LRBA: variants seen among roughly 807,000 people sequenced by gnomAD.
The protein encoded by LRBA is LPS responsive beige-like anchor protein, also known as lipopolysaccharide-responsive and beige-like anchor protein.
LRBA carries 176 observed loss-of-function variants against 330.0 expected under a neutral mutation model. The observed-to-expected ratio is 0.53, with a 90% CI of 0.47 to 0.60. The LOEUF (loss-of-function observed/expected upper bound fraction) is 0.60. Among genes scored for constraint, LRBA ranks in the 20% least tolerant of loss-of-function variants. LRBA has a pLI of 0.00. For synonymous variants in LRBA, 1,230 were observed against 1,193.0 expected, an observed-to-expected ratio of 1.03 and a Z score of -0.64; for missense variants, 3,259 against 3,444.8, an observed-to-expected ratio of 0.95 and a Z score of 1.35.
chr4:150,844,228 A>T (rs761655455), intron 27 of LRBA, 21 bp from the exon 28 acceptor site: 1 of 1,165,776 alleles, frequency 8.6e-7, no homozygotes, highest in Non-Finnish European at 1.3e-6. Flanking sequence ...TTAAAAAAAA[A>T]TTGTATATAT....
At chr4:150,840,951 A>G in intron 28 of LRBA, 2 of 1,175,300 alleles carry the variant, frequency 1.7e-6, no homozygotes, top group South Asian at 1.5e-5. Context: ...AGATAGGCTC[A>G]ATTTGAACAT....
chr4:150,721,585 A>T (rs1161809265), intron 36 of LRBA: 1 of 173,296 alleles, frequency 5.8e-6, no homozygotes, highest in Non-Finnish European at 1.2e-5. Flanking sequence ...GAAATACAGA[A>T]ATTGTAGAAC....
chr4:150,630,599 A>C (rs1043476804), intron 37 of LRBA, among the ~76,000 whole-genome samples: 1 of 152,306 alleles, frequency 6.6e-6, no homozygotes, highest in East Asian at 1.9e-4. Flanking sequence ...TTAAACAAAT[A>C]CAGTATTTAG....
At chr4:150,419,665 T>G (rs1267544243) in intron 46 of LRBA, among the ~76,000 whole-genome samples, 1 of 131,428 alleles carries the variant, frequency 7.6e-6, no homozygotes, top group Non-Finnish European at 1.6e-5. Context: ...TGAGATGAAG[T>G]CTTACTATGT....
chr4:150,452,557 G>A (rs1397931884), intron 44 of LRBA, among the ~76,000 whole-genome samples: 1 of 151,572 alleles, frequency 6.6e-6, no homozygotes, highest in Non-Finnish European at 1.5e-5. Flanking sequence ...GGGAGGCAGA[G>A]GTTGCAGTGA....
chr4:150,767,711 T>C (rs932045983), intron 34 of LRBA, among the ~76,000 whole-genome samples: 2 of 147,446 alleles, frequency 1.4e-5, no homozygotes, highest in African/African-American at 5.0e-5. Context: ...TGAGCCAAGA[T>C]TGCACCACTG....
intron 2 of LRBA, among the ~76,000 whole-genome samples, chr4:151,009,994 A>G (rs1744629898): frequency 6.6e-6 from 1 of 151,838 alleles, no homozygotes; most frequent in South Asian, 2.1e-4. Flanking sequence ...AAATAAATAA[A>G]TAAATAAATA....
chr4:150,671,037 TGTGTGAGAGAGA>T (rs1561497379), intron 37 of LRBA, among the ~76,000 whole-genome samples: 1 of 147,068 alleles, frequency 6.8e-6, no homozygotes, highest in Non-Finnish European at 1.5e-5. Context: ...TGTGTGTGTG[TGTGTGAGAGAGA>T]GAGAGAGAGA....
At chr4:150,939,533 C>G (rs1364534311) in intron 2 of LRBA, among the ~76,000 whole-genome samples, 4 of 152,188 alleles carry the variant, frequency 2.6e-5, no homozygotes, top group Non-Finnish European at 4.4e-5. Flanking sequence ...GCCCACAGAA[C>G]TGAGGGAATA....
At chr4:150,443,123 G>C (rs1752049147) in intron 44 of LRBA, among the ~76,000 whole-genome samples, 2 of 152,180 alleles carry the variant, frequency 1.3e-5, no homozygotes, top group South Asian at 4.1e-4. Flanking sequence ...ATGACTATCA[G>C]TGGTTGGTTA....
At chr4:150,979,801 A>T (rs1158935203) in intron 2 of LRBA, among the ~76,000 whole-genome samples, 1 of 152,218 alleles carries the variant, frequency 6.6e-6, no homozygotes, top group Non-Finnish European at 1.5e-5. Flanking sequence ...TAAACAGACC[A>T]ATAACAAGTA....
chr4:150,349,375 T>C (rs1176329436), intron 48 of LRBA, among the ~76,000 whole-genome samples: 1 of 152,196 alleles, frequency 6.6e-6, no homozygotes, highest in East Asian at 1.9e-4. Context: ...ATATGAAGTA[T>C]ATTGGAATTA....
intron 44 of LRBA, among the ~76,000 whole-genome samples, chr4:150,467,225 T>C (rs1755557676): frequency 6.6e-6 from 1 of 152,134 alleles, no homozygotes; most frequent in African/African-American, 2.4e-5. Flanking sequence ...GTCAGTTTGA[T>C]ACCATTGGAG....
At chr4:150,894,674 A>G (rs1199830554) in intron 16 of LRBA, among the ~76,000 whole-genome samples, 1 of 152,206 alleles carries the variant, frequency 6.6e-6, no homozygotes, top group Non-Finnish European at 1.5e-5. Context: ...ATTAAGTTAA[A>G]CAGATGATCT....
intron 40 of LRBA, among the ~76,000 whole-genome samples, chr4:150,554,012 C>G (rs1435438997): frequency 6.6e-6 from 1 of 152,126 alleles, no homozygotes; most frequent in Non-Finnish European, 1.5e-5. Context: ...TGCTATAGTT[C>G]TAAAGGATGT....
chr4:150,567,354 A>G (rs1425735540), intron 40 of LRBA, among the ~76,000 whole-genome samples: 1 of 152,114 alleles, frequency 6.6e-6, no homozygotes, highest in African/African-American at 2.4e-5. Flanking sequence ...AAACAAGAAA[A>G]AGTGTAAAGA....
intron 2 of LRBA, among the ~76,000 whole-genome samples, chr4:150,959,817 T>C (rs978820286): frequency 2.7e-5 from 4 of 145,630 alleles, no homozygotes; most frequent in Admixed American, 2.0e-4. Flanking sequence ...ATAAAAAGTA[T>C]ATAAATATAT....
chr4:150,871,097 G>T (rs1159420869), intron 19 of LRBA, among the ~76,000 whole-genome samples: 1 of 152,124 alleles, frequency 6.6e-6, no homozygotes, highest in Non-Finnish European at 1.5e-5. Flanking sequence ...ACAAAAATTA[G>T]CCGGGTTAGG....
At chr4:150,378,464 A>C (rs570669415) in intron 47 of LRBA, among the ~76,000 whole-genome samples, 16 of 152,368 alleles carry the variant, frequency 1.1e-4, no homozygotes, top group Admixed American at 1.0e-3. Context: ...AAAGTGCTAT[A>C]ATTTCAAAGA....
Sources: allele counts gnomAD v4.1 joint callset (sites outside exome capture counted in the v4.1 genomes callset), GRCh38; gene constraint gnomAD v4.1.1; transcripts MANE v1.5; gene names NCBI Gene and HGNC (gene_info 2026-07-23, HGNC 2026-07-21).